CRACD: variants seen among roughly 807,000 people sequenced by gnomAD.
CRACD encodes capping protein inhibiting regulator of actin dynamics.
A neutral mutation model predicts 106.8 loss-of-function variants in CRACD; 56 were observed. The ratio of observed to expected loss-of-function variants is 0.52; its 90% confidence interval spans 0.42 to 0.66. CRACD has a LOEUF of 0.66. Ranked by LOEUF, CRACD falls within the 30% of genes least tolerant of loss-of-function variation. CRACD has a pLI of 0.00. For missense variants in CRACD, 1,730 were observed against 1,623.2 expected, an observed-to-expected ratio of 1.07 and a Z score of -1.13; for synonymous variants, 754 against 670.8, an observed-to-expected ratio of 1.12 and a Z score of -1.92.
chr4:56,249,595 G>A (rs1241251862), intron 2 of CRACD, among the ~76,000 whole-genome samples: 4 of 152,018 alleles, frequency 2.6e-5, no homozygotes, highest in Admixed American at 6.6e-5. Context: ...ACCAGAATAC[G>A]AGGCACCTGC....
At chr4:56,125,764 CTTTTTTTTTTTTT>C (rs11289899) in intron 1 of CRACD, among the ~76,000 whole-genome samples, 6 of 73,298 alleles carry the variant, frequency 8.2e-5, no homozygotes, top group Non-Finnish European at 1.3e-4. Flanking sequence ...CATTCTTCTT[CTTTTTTTTTTTTT>C]TTTTTTTTTT....
intron 2 of CRACD, among the ~76,000 whole-genome samples, chr4:56,253,899 G>A (rs1741190599): frequency 2.0e-5 from 3 of 152,086 alleles, no homozygotes; most frequent in Non-Finnish European, 4.4e-5. Flanking sequence ...GACAGCTCTG[G>A]GTTTTTTTCC....
intron 1 of CRACD, among the ~76,000 whole-genome samples, chr4:56,098,796 A>G (rs761293472): frequency 4.6e-5 from 7 of 152,178 alleles, no homozygotes; most frequent in Middle Eastern, 3.4e-3. Context: ...GGTTCAAGCA[A>G]TTCTCGTGCC....
Position 56,256,109 on chromosome 4 carries a change from G to T in CRACD, c.-188-16212G>T, listed in dbSNP as rs1033286267. Among the ~76,000 whole-genome samples the T allele has an allele frequency of 3.9e-5, 6 of 152,274 alleles. No homozygotes were observed. The East Asian group carries it at 7.7e-4, about 20-fold the overall frequency. ...ATCCTCTGTAGAGAACTACTGATAT[G>T]GTTTGGCTATGTCCCTACCCAAATC... On this transcript the variant is annotated intron_variant, in intron 2 of 10. Transcript: ENST00000682029.
chr4:56,095,760 A>C (rs1478510284), intron 1 of CRACD, among the ~76,000 whole-genome samples: 1 of 152,202 alleles, frequency 6.6e-6, no homozygotes, highest in East Asian at 1.9e-4. Flanking sequence ...GATATAATCC[A>C]ACTTATCGAG....
rs376085481 is a variant in CRACD, at chr4:56,315,962, G to A, written c.2460G>A (p.Ser820=). 23 of 1,614,078 alleles carry A rather than the reference G, an allele frequency of 1.4e-5. No individual in the cohort carries two copies. The highest frequency in any genetic ancestry group is 1.9e-5 in the Non-Finnish European group (22 of 1,180,054). The change falls in exon 8 of 11, where the codon TCG becomes TCA. Residue 820 remains serine (S), a synonymous_variant. Coordinates refer to ENST00000682029, the MANE Select transcript of CRACD (RefSeq NM_001393381.1). This position sits in a 1 kb window ranked among gnomAD's most constrained non-coding sequence, Gnocchi z 4.1. ...VVAHTEFTTS[S]DSETANGIAK... is the part of the protein sequence containing the mutation. ...CCCACACAGAGTTCACGACCTCGTC[G>A]GACAGCGAGACTGCAAACGGGATAG... is the stretch of plus-strand genomic sequence containing the variant.
In CRACD at chr4:56,316,605, G is replaced by A. The variant is rs1163174570; in HGVS notation, c.3103G>A (p.Ala1035Thr). Residue 1035 changes from alanine (A) to threonine (T), a missense_variant, in exon 8 of 11, where the codon GCG becomes ACG. Around this residue, in one of 5 missense-constraint regions of CRACD, gnomAD observed 1,620 missense variants for 1,481.6 expected, o/e 1.09. Transcript: ENST00000682029. ...KGQKRDEEEE[A>T]TERKPASPPL... is the part of the protein sequence containing the mutation. ...ACAGAAGAGGGACGAGGAGGAAGAG[G>A]CGACAGAGAGGAAACCTGCTTCCCC... 1 of 1,613,514 alleles carries A rather than the reference G, an allele frequency of 6.2e-7. No homozygotes were observed. The highest frequency in any genetic ancestry group is 1.1e-5 in the South Asian group (1 of 91,014).
rs1483278096 is a variant in CRACD at position 56,180,083 on chromosome 4, G to C, written c.-189+653G>C. On this transcript the variant is annotated intron_variant, in intron 2 of 10. Transcript: ENST00000682029. ...ATTAGAAAATTCAATGGAAACAGTGGCCTTGTGTCTCATGGTGCTTTTGAG... is the reference window on the plus strand; with the variant it reads ...ATTAGAAAATTCAATGGAAACAGTGCCCTTGTGTCTCATGGTGCTTTTGAG... 2.0e-5 allele frequency among the ~76,000 whole-genome samples: 3 copies of C among 152,184 alleles called. No homozygotes were observed. In the East Asian group the frequency reaches 5.8e-4, roughly 29 times the overall value.
At chr4:56,326,495 T>C (rs987029106) in intron 10 of CRACD, among the ~76,000 whole-genome samples, 2 of 152,232 alleles carry the variant, frequency 1.3e-5, no homozygotes, top group Non-Finnish European at 2.9e-5. Flanking sequence ...GTCTTTGTTC[T>C]GAAGTATTTG....
chr4:56,138,483 A>AAATAT, intron 1 of CRACD, among the ~76,000 whole-genome samples: 1 of 152,132 alleles, frequency 6.6e-6, no homozygotes, highest in Admixed American at 6.6e-5. Flanking sequence ...AAATAAAATA[A>AAATAT]AATAAAAAGT....
chr4:56,144,662 T>TC (rs1465844689), intron 1 of CRACD, among the ~76,000 whole-genome samples: 1 of 144,990 alleles, frequency 6.9e-6, no homozygotes, highest in Non-Finnish European at 1.5e-5. Flanking sequence ...TTCTTCTTCT[T>TC]TTTTTTTTTT....
At chr4:56,294,590 A>G (rs978910214) in intron 3 of CRACD, among the ~76,000 whole-genome samples, 7 of 152,196 alleles carry the variant, frequency 4.6e-5, no homozygotes, top group African/African-American at 1.4e-4. Context: ...AGCAATCTCA[A>G]TAGTATATTC....
At chr4:56,257,647 A>T (rs1039041333) in intron 2 of CRACD, among the ~76,000 whole-genome samples, 4 of 152,076 alleles carry the variant, frequency 2.6e-5, no homozygotes, top group Admixed American at 1.3e-4. Context: ...GTAAGCTGTG[A>T]TTGTGCTGCC....
chr4:56,170,705 G>A lies in CRACD; in HGVS notation c.-335-8579G>A, dbSNP rs191924475. On this transcript the variant is annotated intron_variant, in intron 1 of 10. Transcript: ENST00000682029. ...AAAAATTAAAAATTAGCCAGGCATG[G>A]TGGTGTGTGCCTGTAGTAGTCCCAG... 2.0e-5 allele frequency among the ~76,000 whole-genome samples: 3 copies of A among 152,238 alleles called. No individual in the cohort carries two copies. In the East Asian group the frequency reaches 5.8e-4, roughly 29 times the overall value.
At chr4:56,174,388 T>C (rs1736497706) in intron 1 of CRACD, among the ~76,000 whole-genome samples, 2 of 152,210 alleles carry the variant, frequency 1.3e-5, no homozygotes, top group South Asian at 2.1e-4. Context: ...TGAACACTTA[T>C]TCTATCTAAC....
intron 1 of CRACD, among the ~76,000 whole-genome samples, chr4:56,077,766 T>C (rs1220786150): frequency 2.0e-5 from 3 of 152,178 alleles, no homozygotes; most frequent in Non-Finnish European, 2.9e-5. Context: ...GTTTTTACTC[T>C]AATGGGGTGT....
At chr4:56,308,919 A>G (rs1241115070) in intron 5 of CRACD, 1 of 1,288,706 alleles carries the variant, frequency 7.8e-7, no homozygotes, top group South Asian at 1.2e-5. Flanking sequence ...TTGTTTGTTC[A>G]GCAGGCTCTG....
At chr4:56,120,246 G>C (rs4865055) in intron 1 of CRACD, among the ~76,000 whole-genome samples, 127,565 of 152,058 alleles carry the variant, frequency 0.84, 53,950 homozygotes, top group African/African-American at 0.96. Context: ...TCTCTGTGAT[G>C]TCACTGGTCA....
At chr4:56,205,474 G>A (rs73240525) in intron 2 of CRACD, among the ~76,000 whole-genome samples, 9,050 of 151,964 alleles carry the variant, frequency 0.06, 337 homozygotes, top group African/African-American at 0.078. Context: ...TACCAAGCGT[G>A]CCCCGATAAA....
Sources: allele counts gnomAD v4.1 joint callset (sites outside exome capture counted in the v4.1 genomes callset), GRCh38; gene constraint gnomAD v4.1.1; regional missense constraint gnomAD v4.1.1; non-coding constraint Gnocchi (gnomAD v3.1); transcripts MANE v1.5; gene names NCBI Gene and HGNC (gene_info 2026-07-23, HGNC 2026-07-21).